Variants in FDPS observed in about 807,000 individuals in gnomAD.
The protein encoded by FDPS is farnesyl pyrophosphate synthase.
A neutral mutation model predicts 49.5 loss-of-function variants in FDPS; 29 were observed. That is an observed-to-expected ratio of 0.59 (90% CI 0.44 to 0.80). The LOEUF (loss-of-function observed/expected upper bound fraction) is 0.80. Among genes scored for constraint, FDPS ranks in the 30% least tolerant of loss-of-function variants. The pLI, the probability that FDPS is intolerant of heterozygous loss-of-function variation, is 0.00. For missense variants in FDPS, 414 were observed against 525.6 expected (o/e 0.79, Z 2.08); for synonymous variants, 172 against 206.4 (o/e 0.83, Z 1.43).
Position 155,320,505 on chromosome 1 carries a change from G to C in FDPS, c.1156G>C (p.Asp386His). The C allele has an allele frequency of 6.2e-7, 1 of 1,614,078 alleles. No individual in the cohort carries two copies. Among genetic ancestry groups the C allele is most frequent in the Non-Finnish European group, 8.5e-7 (1 of 1,180,034 alleles). Reference sequence around the variant, plus strand: ...AGCAGTGTTCTTGCAATATGAGGAAGACAGTTACAGCCACATTATGGCTCT... The same window carrying C: ...AGCAGTGTTCTTGCAATATGAGGAACACAGTTACAGCCACATTATGGCTCT... ...LPAVFLQYEE[D>H]SYSHIMALIE... Residue 386 changes from aspartate (D) to histidine (H), a missense_variant, in exon 11 of 11, where the codon GAC becomes CAC. Coordinates refer to ENST00000368356, the MANE Select transcript of FDPS (RefSeq NM_002004.4).
At chr1:155,316,187 G>A (rs938007811) in intron 4 of FDPS, among the ~76,000 whole-genome samples, 3 of 151,620 alleles carry the variant, frequency 2.0e-5, no homozygotes, top group East Asian at 2.0e-4. Flanking sequence ...CCCGGGAGGC[G>A]GAGGTTGCAG....
At chr1:155,316,037 G>A (rs192148502) in intron 4 of FDPS, among the ~76,000 whole-genome samples, 1 of 151,904 alleles carries the variant, frequency 6.6e-6, no homozygotes, top group Admixed American at 6.6e-5. Context: ...GATGGATCAC[G>A]TGAGGTCAGG....
At chr1:155,310,320 T>C (rs1648663588) in intron 3 of FDPS, 115 bp downstream of exon 3, 2 of 949,730 alleles carry the variant, frequency 2.1e-6, no homozygotes, top group Non-Finnish European at 3.1e-6. Flanking sequence ...AAGCTTTTTT[T>C]TTTTTTTTGA....
intron 3 of FDPS, 74 bp downstream of exon 3, chr1:155,310,279 C>T: frequency 7.4e-7 from 1 of 1,356,110 alleles, no homozygotes; most frequent in South Asian, 1.2e-5. Flanking sequence ...TCACCTGTGG[C>T]TTATGGGGGA....
In FDPS at chr1:155,318,144, CT is replaced by C; in HGVS notation, c.562-23del. ...ATGAACCGAGACTAGAGATTGATTG[CT>C]TGTTTTTCTGTCTGTCATGACAGCC... On this transcript the variant is annotated intron_variant, in intron 5 of 10. Transcript: ENST00000368356. The surrounding 1 kb of genome is among the most constrained non-coding windows in gnomAD (Gnocchi z 4.2). 2 of 1,614,004 alleles carry C rather than the reference CT, an allele frequency of 1.2e-6. No homozygotes were observed. Among genetic ancestry groups the C allele is most frequent in the Non-Finnish European group, 1.7e-6 (2 of 1,179,988 alleles).
chr1:155,319,964 G>A, intron 10 of FDPS, 36 bp downstream of exon 10: 2 of 1,610,412 alleles, frequency 1.2e-6, no homozygotes, highest in Non-Finnish European at 1.7e-6. Flanking sequence ...CTGAGTTGGT[G>A]GAAAGGGATA....
At chr1:155,310,313 C>CTT (rs35556344) in intron 3 of FDPS, 108 bp downstream of exon 3, 7,763 of 695,146 alleles carry the variant, frequency 0.011, 5 homozygotes, top group East Asian at 0.026. Flanking sequence ...TGAGAGAAAG[C>CTT]TTTTTTTTTT....
chr1:155,310,261 T>C, intron 3 of FDPS, 56 bp downstream of exon 3: 1 of 1,560,776 alleles, frequency 6.4e-7, no homozygotes, highest in Non-Finnish European at 8.8e-7. Context: ...TCTGTACCTG[T>C]GTGGCATTCA....
chr1:155,317,760 C>G (rs557043640), intron 4 of FDPS, 181 bp from the exon 5 acceptor site: 47 of 563,268 alleles, frequency 8.3e-5, no homozygotes, highest in African/African-American at 7.9e-4. Flanking sequence ...GGGAGGATCA[C>G]TTGAGCCTGG....
Position 155,318,147 on chromosome 1 carries a change from G to A in FDPS, c.562-22G>A, listed in dbSNP as rs1262747754. 1 of 1,614,058 alleles carries A rather than the reference G, an allele frequency of 6.2e-7. No individual in the cohort carries two copies. Among genetic ancestry groups the A allele is most frequent in the Non-Finnish European group, 8.5e-7 (1 of 1,180,006 alleles). On this transcript the variant is annotated intron_variant, in intron 5 of 10. Coordinates refer to ENST00000368356, the MANE Select transcript of FDPS (RefSeq NM_002004.4). The surrounding 1 kb of genome is among the most constrained non-coding windows in gnomAD (Gnocchi z 4.2). ...AACCGAGACTAGAGATTGATTGCTT[G>A]TTTTTCTGTCTGTCATGACAGCCGG...
intron 4 of FDPS, among the ~76,000 whole-genome samples, chr1:155,315,728 G>A (rs570587715): frequency 4.0e-5 from 6 of 151,884 alleles, no homozygotes; most frequent in Non-Finnish European, 8.8e-5. Context: ...TTAGCCAGGC[G>A]TGGAGGCACA....
rs200708594 is a variant in FDPS, at chr1:155,318,174, C to T, written c.567C>T (p.Gly189=). 6 of 1,613,904 alleles carry T rather than the reference C, an allele frequency of 3.7e-6. No individual in the cohort carries two copies. The highest frequency in any genetic ancestry group is 1.3e-5 in the African/African-American group (1 of 74,886). ...TTTTCTGTCTGTCATGACAGCCGGG[C>T]GTGGGTTTGGATGCCATCAATGATG... ...RGQICWYQKP[G]VGLDAINDAN... is the part of the protein sequence containing the mutation. The change falls in exon 6 of 11, where the codon GGC becomes GGT. Residue 189 remains glycine, a synonymous_variant. Coordinates refer to ENST00000368356, the MANE Select transcript of FDPS (RefSeq NM_002004.4). This position sits in a 1 kb window ranked among gnomAD's most constrained non-coding sequence, Gnocchi z 4.2.
chr1:155,309,696 TG>T, intron 1 of FDPS, 92 bp from the exon 2 acceptor site: 2 of 1,157,316 alleles, frequency 1.7e-6, no homozygotes, highest in Non-Finnish European at 2.4e-6. Flanking sequence ...AAGGCTGGGG[TG>T]GGAGTTATCT....
In FDPS at chr1:155,318,758, G is replaced by C; in HGVS notation, c.773+5G>C. 6.2e-7 allele frequency: 1 copy of C among 1,609,296 alleles called. No homozygotes were observed. Among genetic ancestry groups the C allele is most frequent in the Non-Finnish European group, 8.5e-7 (1 of 1,175,832 alleles). On this transcript the variant is annotated splice_donor_5th_base_variant and intron_variant, in intron 7 of 10. Transcript: ENST00000368356. This position sits in a 1 kb window ranked among gnomAD's most constrained non-coding sequence, Gnocchi z 4.2. ...TGTCAGATTCACTGAAAAGAGGTGA[G>C]GGGAGGTGAGGGACAGCGCGAACCA...
rs141996140 is a variant in FDPS at position 155,318,591 on chromosome 1, T to G, written c.685-74T>G. 188 of 1,174,544 alleles carry G rather than the reference T, an allele frequency of 1.6e-4. No homozygotes were observed. The African/African-American group carries it at 2.7e-3, about 17-fold the overall frequency. The allele number at this position is 1,174,544 out of a possible 1,614,324, so 72.8% of individuals were successfully genotyped here. A position where few individuals can be genotyped will look rare whatever the true frequency, so the allele number is the denominator to read the frequency against. ...TGCCCAGTTGTCAGCTGGTATGGGATGTTGGGCTTGGGATACCAGGGTTTC... is the reference window on the plus strand; with the variant it reads ...TGCCCAGTTGTCAGCTGGTATGGGAGGTTGGGCTTGGGATACCAGGGTTTC... On this transcript the variant is annotated intron_variant, in intron 6 of 10. Transcript: ENST00000368356. The surrounding 1 kb of genome is among the most constrained non-coding windows in gnomAD (Gnocchi z 4.2).
rs1650070332 is a variant in FDPS, at chr1:155,319,818, G to A, written c.949G>A (p.Asp317Asn). The change falls in exon 10 of 11, where the codon GAC becomes AAC. Residue 317 changes from aspartate (D) to asparagine (N), a missense_variant. By Grantham distance (23) the Asp-to-Asn change is conservative (BLOSUM62 1). Coordinates refer to ENST00000368356, the MANE Select transcript of FDPS (RefSeq NM_002004.4). ...GGATGATTACCTTGACCTCTTTGGG[G>A]ACCCCAGTGTGACCGGCAAAATTGG... ...IQDDYLDLFG[D>N]PSVTGKIGTD... The A allele has an allele frequency of 6.2e-7, 1 of 1,614,010 alleles. No homozygotes were observed. Among genetic ancestry groups the A allele is most frequent in the African/African-American group, 1.3e-5 (1 of 74,888 alleles).
chr1:155,312,090 G>A (rs1297160824), intron 3 of FDPS, among the ~76,000 whole-genome samples, 165 bp from the exon 4 acceptor site: 1 of 152,178 alleles, frequency 6.6e-6, no homozygotes, highest in Non-Finnish European at 1.5e-5. Context: ...CAGAAATTTG[G>A]GGAAGGAGTA....
At position 155,309,865 on chromosome 1, in the gene FDPS, T is replaced by A. The variant is rs994962029; in HGVS notation, c.76T>A (p.Trp26Arg). 6 of 1,587,278 alleles carry A rather than the reference T, an allele frequency of 3.8e-6. No homozygotes were observed. Among genetic ancestry groups the A allele is most frequent in the African/African-American group, 1.3e-5 (1 of 74,406 alleles). ...CCCCTACTGGGCACCCCGGGAGAGG[T>A]GGCTGGGTTCCCTACGGCGGCCCTC... ...PAPYWAPRER[W>R]LGSLRRPSLV... is the part of the protein sequence containing the mutation. The change falls in exon 2 of 11, where the codon TGG becomes AGG. Residue 26 changes from tryptophan (W) to arginine (R), a missense_variant. Trp to Arg is a moderately radical substitution (Grantham distance 101). Transcript: ENST00000368356.
Position 155,319,882 on chromosome 1 carries a change from T to A in FDPS, c.1013T>A (p.Val338Asp), listed in dbSNP as rs1303863368. 1 of 1,614,132 alleles carries A rather than the reference T, an allele frequency of 6.2e-7. No individual in the cohort carries two copies. The highest frequency in any genetic ancestry group is 2.2e-5 in the East Asian group (1 of 44,886). ...IQDNKCSWLV[V>D]QCLQRATPEQ... ...GACAACAAATGCAGCTGGCTGGTGG[T>A]TCAGTGTCTGCAACGGGCCACTCCA... The change falls in exon 10 of 11, where the codon GTT becomes GAT. Residue 338 changes from valine (V) to aspartate (D), a missense_variant. Val to Asp is a radical substitution (Grantham distance 152, BLOSUM62 -3). Transcript: ENST00000368356.
Sources: gnomAD v4.1 joint callset for allele counts (sites outside exome capture counted in the v4.1 genomes callset) on GRCh38, gnomAD v4.1.1 for gene constraint, Gnocchi (gnomAD v3.1) non-coding constraint, MANE v1.5 for transcripts, NCBI Gene and HGNC (gene_info 2026-07-23, HGNC 2026-07-21) for gene names.